TSNAX: variants seen among roughly 807,000 people sequenced by gnomAD.
The protein encoded by TSNAX is translin associated factor X.
TSNAX carries 12 observed loss-of-function variants against 33.0 expected under a neutral mutation model. The observed-to-expected ratio is 0.36, with a 90% CI of 0.23 to 0.59. The LOEUF (loss-of-function observed/expected upper bound fraction) is 0.59. Among genes scored for constraint, TSNAX ranks in the 20% least tolerant of loss-of-function variants. TSNAX has a pLI of 0.74. For synonymous variants in TSNAX, 110 were observed against 117.2 expected (o/e 0.94, Z 0.40); for missense variants, 267 against 341.3 (o/e 0.78, Z 1.72).
At chr1:231,539,948 G>C (rs1378169562) in intron 3 of TSNAX, among the ~76,000 whole-genome samples, 2 of 152,128 alleles carry the variant, frequency 1.3e-5, no homozygotes, top group Non-Finnish European at 2.9e-5. Context: ...ACTTTGGGAG[G>C]CCAAGGCAGG....
At chr1:231,545,922 G>A (rs1220100643) in intron 4 of TSNAX, among the ~76,000 whole-genome samples, 3 of 152,114 alleles carry the variant, frequency 2.0e-5, no homozygotes, top group Non-Finnish European at 4.4e-5. Flanking sequence ...AAGCTAGCAC[G>A]TGGTACCATT....
chr1:231,535,023 G>C (rs1274824410), intron 2 of TSNAX: 1 of 152,108 alleles, frequency 6.6e-6, no homozygotes, highest in Non-Finnish European at 1.5e-5. Flanking sequence ...ATGATGAGAG[G>C]CAGTAGCAAA....
At chr1:231,531,993 A>C (rs575177785) in intron 2 of TSNAX, among the ~76,000 whole-genome samples, 14 of 151,728 alleles carry the variant, frequency 9.2e-5, no homozygotes, top group African/African-American at 2.7e-4. Flanking sequence ...GACTGCTTCA[A>C]CTCAGAAGTT....
intron 4 of TSNAX, among the ~76,000 whole-genome samples, chr1:231,543,109 T>C (rs866993263): frequency 1.3e-5 from 2 of 150,100 alleles, no homozygotes; most frequent in African/African-American, 2.5e-5. Flanking sequence ...ACCCGGGAGG[T>C]GGAGGTTGCA....
At chr1:231,543,575 A>C (rs565004205) in intron 4 of TSNAX, among the ~76,000 whole-genome samples, 2 of 152,204 alleles carry the variant, frequency 1.3e-5, no homozygotes, top group Non-Finnish European at 2.9e-5. Flanking sequence ...TAAGATTTGC[A>C]GGAAGACTGG....
At chr1:231,539,618 G>A (rs1659423018) in intron 3 of TSNAX, among the ~76,000 whole-genome samples, 1 of 152,158 alleles carries the variant, frequency 6.6e-6, no homozygotes, top group Non-Finnish European at 1.5e-5. Context: ...GCTCATTATA[G>A]TAAACTTAGA....
chr1:231,532,400 C>G (rs1035442821), intron 2 of TSNAX, among the ~76,000 whole-genome samples: 4 of 151,598 alleles, frequency 2.6e-5, no homozygotes, highest in Non-Finnish European at 5.9e-5. Context: ...ACTGTGTTGC[C>G]CCTGCTGGTC....
At chr1:231,528,968 G>A in intron 1 of TSNAX, 142 bp downstream of exon 1, 1 of 1,128,772 alleles carries the variant, frequency 8.9e-7, no homozygotes, top group South Asian at 1.3e-5. Flanking sequence ...TTCTCTCCCC[G>A]GCCAGATCGG....
At chr1:231,529,976 G>A (rs752575964) in intron 2 of TSNAX, among the ~76,000 whole-genome samples, 5 of 152,194 alleles carry the variant, frequency 3.3e-5, no homozygotes, top group Non-Finnish European at 7.3e-5. Flanking sequence ...ATTCCTATTT[G>A]CAATCACCTG....
intron 1 of TSNAX, 75 bp downstream of exon 1, chr1:231,528,901 C>T: frequency 3.8e-6 from 6 of 1,588,808 alleles, no homozygotes; most frequent in East Asian, 4.5e-5. Flanking sequence ...CAGTTTTCCC[C>T]TTTTCACCCT....
intron 4 of TSNAX, among the ~76,000 whole-genome samples, chr1:231,556,331 A>T (rs1223450591): frequency 6.6e-6 from 1 of 152,282 alleles, no homozygotes; most frequent in African/African-American, 2.4e-5. Context: ...AAAATTTGGA[A>T]TATTTTGAAC....
In TSNAX at chr1:231,553,612, T is replaced by C. The variant is rs118067842; in HGVS notation, c.368-7516T>C. On this transcript the variant is annotated intron_variant, in intron 4 of 5. Transcript: ENST00000366639. ...TACCTACATGTGACCAAAAATGCTT[T>C]TCAGTGTTTTGGGCCAGATGTCCTT... is the stretch of plus-strand genomic sequence containing the variant. Among the ~76,000 whole-genome samples, 80 of 152,298 alleles carry C rather than the reference T, an allele frequency of 5.3e-4. 1 individual carries two copies. In the East Asian group the frequency reaches 0.015, roughly 29 times the overall value.
In TSNAX at chr1:231,530,715, A is replaced by G. The variant is rs990880939; in HGVS notation, c.121+1356A>G. ...AACAGAGCGAGGCTCCGTCTCAAAA[A>G]AAAAAAAAAAAAAGTACGAAAAATT... is the stretch of plus-strand genomic sequence containing the variant. On this transcript the variant is annotated intron_variant, in intron 2 of 5. Coordinates refer to ENST00000366639, the MANE Select transcript of TSNAX (RefSeq NM_005999.3). Among the ~76,000 whole-genome samples the G allele has an allele frequency of 3.3e-5, 5 of 151,116 alleles. No homozygotes were observed. The Middle Eastern group carries it at 0.01, about 313-fold the overall frequency.
At chr1:231,553,965 C>G (rs570910078) in intron 4 of TSNAX, among the ~76,000 whole-genome samples, 2 of 152,246 alleles carry the variant, frequency 1.3e-5, no homozygotes, top group African/African-American at 4.8e-5. Context: ...GGATTACAGG[C>G]GTGAGCCACC....
chr1:231,542,844 AT>A (rs1659665979), intron 4 of TSNAX: 1 of 373,560 alleles, frequency 2.7e-6, no homozygotes, highest in Non-Finnish European at 4.9e-6. Flanking sequence ...GAGAACACAG[AT>A]TTAATAGGAT....
chr1:231,548,165 T>C (rs1389509923), intron 4 of TSNAX, among the ~76,000 whole-genome samples: 2 of 152,212 alleles, frequency 1.3e-5, no homozygotes, highest in African/African-American at 2.4e-5. Context: ...TTATAAAATA[T>C]TGTCTAACAA....
At chr1:231,533,159 C>T (rs1217941610) in intron 2 of TSNAX, among the ~76,000 whole-genome samples, 1 of 145,488 alleles carries the variant, frequency 6.9e-6, no homozygotes, top group Admixed American at 6.6e-5. Context: ...CTCCGCCTCC[C>T]AGGTTCAAGC....
At chr1:231,560,810 C>T (rs1661062475) in intron 4 of TSNAX, among the ~76,000 whole-genome samples, 1 of 152,042 alleles carries the variant, frequency 6.6e-6, no homozygotes, top group Non-Finnish European at 1.5e-5. Flanking sequence ...CAGGCGCCCG[C>T]CACCATGTCC....
chr1:231,534,507 A>G (rs1281292705), intron 2 of TSNAX: 2 of 151,024 alleles, frequency 1.3e-5, no homozygotes, highest in East Asian at 3.8e-4. Context: ...GATGAGACAG[A>G]TTCAACAGTG....
Sources: gnomAD v4.1 joint callset for allele counts (sites outside exome capture counted in the v4.1 genomes callset) on GRCh38, gnomAD v4.1.1 for gene constraint, MANE v1.5 for transcripts, NCBI Gene and HGNC (gene_info 2026-07-23, HGNC 2026-07-21) for gene names.